Variants in ABR observed in about 807,000 individuals in gnomAD.
ABR encodes active breakpoint cluster region-related protein.
ABR carries 35 observed loss-of-function variants against 107.2 expected under a neutral mutation model. The ratio of observed to expected loss-of-function variants is 0.33; its 90% CI spans 0.25 to 0.43. The LOEUF is 0.43. ABR is among the 20% of genes least tolerant of loss of function. ABR has a pLI of 1.00. For missense variants in ABR, 815 were observed against 1,115.2 expected (o/e 0.73, Z 3.83); for synonymous variants, 498 against 462.0 (o/e 1.08, Z -1.00).
At chr17:1,110,060 C>T (rs188206748) in intron 2 of ABR, among the ~76,000 whole-genome samples, 12 of 150,746 alleles carry the variant, frequency 8.0e-5, no homozygotes, top group East Asian at 2.0e-4. Flanking sequence ...TCCAAGCAGC[C>T]CCCCCAGCCA....
intron 16 of ABR, among the ~76,000 whole-genome samples, chr17:1,020,446 C>G (rs1346030701): frequency 6.6e-6 from 1 of 152,196 alleles, no homozygotes; most frequent in African/African-American, 2.4e-5. Flanking sequence ...TCAGGCCTCT[C>G]CCAAAGAGAA....
At chr17:1,107,920 A>C (rs2038367333) in intron 2 of ABR, among the ~76,000 whole-genome samples, 2 of 152,192 alleles carry the variant, frequency 1.3e-5, no homozygotes, top group Non-Finnish European at 2.9e-5. Flanking sequence ...TCCTCCTCAG[A>C]GCCACACTGT....
At chr17:1,201,950 T>A (rs1453554820) in intron 1 of ABR, among the ~76,000 whole-genome samples, 1 of 152,172 alleles carries the variant, frequency 6.6e-6, no homozygotes, top group Non-Finnish European at 1.5e-5. Flanking sequence ...GTGCTGGGAT[T>A]ACAGGCGTGA....
chr17:1,098,937 C>T (rs2037680598), intron 3 of ABR, among the ~76,000 whole-genome samples: 1 of 152,166 alleles, frequency 6.6e-6, no homozygotes, highest in Admixed American at 6.5e-5. Context: ...AGGGGCCCGC[C>T]ACCACGCCCA....
At chr17:1,109,762 G>C (rs955251659) in intron 2 of ABR, among the ~76,000 whole-genome samples, 1 of 152,124 alleles carries the variant, frequency 6.6e-6, no homozygotes, top group Non-Finnish European at 1.5e-5. Context: ...AGACAGGCCT[G>C]ACCTGCCCCC....
chr17:1,018,547 C>T (rs1243752694), intron 16 of ABR, among the ~76,000 whole-genome samples: 4 of 152,194 alleles, frequency 2.6e-5, no homozygotes, highest in African/African-American at 9.7e-5. Flanking sequence ...GCAGCTTCTG[C>T]AGGAAGCTGA....
At position 1,078,908 on chromosome 17, in the gene ABR, C is replaced by T. The variant is rs1178071138; in HGVS notation, c.700+422G>A. The stretch of plus-strand genomic sequence containing the variant: ...GAGCGTGCAGCCATCGCTCCAGGCT[C>T]CCCGGCGCCCACCAGCAGCCCGGCC... On this transcript the variant is annotated intron_variant, in intron 6 of 22. Coordinates refer to ENST00000302538, the MANE Select transcript of ABR (RefSeq NM_021962.5). The surrounding 1 kb of genome is among the most constrained non-coding windows in gnomAD (Gnocchi z 7.5). The T allele has an allele frequency of 5.2e-6, 8 of 1,533,414 alleles. 1 individual carries two copies. The highest frequency in any genetic ancestry group is 2.4e-5 in the South Asian group (2 of 83,914). The allele number at this position is 1,533,414 out of a possible 1,614,324, so 95.0% of individuals were successfully genotyped here. A position where few individuals can be genotyped will look rare whatever the true frequency, so the allele number is the denominator to read the frequency against.
intron 2 of ABR, among the ~76,000 whole-genome samples, chr17:1,113,278 A>ATT (rs33922708): frequency 0.025 from 2,590 of 104,056 alleles, 360 homozygotes; most frequent in East Asian, 0.11. Context: ...ACCTATTGCG[A>ATT]TTTTTTTTTT....
Position 1,058,799 on chromosome 17 carries a change from C to T in ABR, c.1251G>A (p.Leu417=), listed in dbSNP as rs777048412. 1 of 1,614,092 alleles carries T rather than the reference C, an allele frequency of 6.2e-7. No homozygotes were observed. The highest frequency in any genetic ancestry group is 1.1e-5 in the South Asian group (1 of 91,070). The change falls in exon 11 of 23, where the codon CTG becomes CTA. Residue 417 remains leucine (L), a synonymous_variant. Transcript: ENST00000302538. Reference sequence around the variant, plus strand: ...GGATTGTGGGGGAGTTGAGCAGCAGCAGGAACTCATTCTCAAACATCTTCT... The same window carrying T: ...GGATTGTGGGGGAGTTGAGCAGCAGTAGGAACTCATTCTCAAACATCTTCT... The part of the protein sequence containing the change: ...LKKKMFENEF[L]LLLNSPTIPF...
At chr17:1,164,659 T>G (rs560088222) in intron 1 of ABR, among the ~76,000 whole-genome samples, 1 of 152,324 alleles carries the variant, frequency 6.6e-6, no homozygotes, top group South Asian at 2.1e-4. Flanking sequence ...AAGTTTTGTA[T>G]GGGATATACT....
intron 16 of ABR, among the ~76,000 whole-genome samples, chr17:1,023,105 G>A (rs1009659331): frequency 4.0e-5 from 6 of 149,546 alleles, no homozygotes; most frequent in Non-Finnish European, 8.8e-5. Flanking sequence ...GCCTCTGCCG[G>A]CCCCACGTCC....
At chr17:1,012,279 G>A (rs558116290) in intron 18 of ABR, 13 of 645,878 alleles carry the variant, frequency 2.0e-5, no homozygotes, top group Non-Finnish European at 3.4e-5. Flanking sequence ...CTTGTAGGAG[G>A]CCCAGCAGGC....
intron 2 of ABR, among the ~76,000 whole-genome samples, chr17:1,106,033 G>A (rs1344630953): frequency 6.6e-6 from 1 of 152,180 alleles, no homozygotes; most frequent in Non-Finnish European, 1.5e-5. Flanking sequence ...TTTGGCAAGT[G>A]TAAGCCATTT....
rs1421902604 is a variant in ABR, at chr17:1,010,171, C to T, written c.2237-387G>A. On this transcript the variant is annotated intron_variant, in intron 20 of 22. Coordinates refer to ENST00000302538, the MANE Select transcript of ABR (RefSeq NM_021962.5). The surrounding 1 kb of genome is among the most constrained non-coding windows in gnomAD (Gnocchi z 4.1). Reference sequence around the variant, plus strand: ...TTCTCCACCCCTTCTGCTGCTGGAGCGTGGGTGCAAGCAGCCTTCCGTGGG... The same window carrying T: ...TTCTCCACCCCTTCTGCTGCTGGAGTGTGGGTGCAAGCAGCCTTCCGTGGG... The T allele has an allele frequency of 3.8e-6, 1 of 260,194 alleles. No individual in the cohort carries two copies. Among genetic ancestry groups the T allele is most frequent in the Non-Finnish European group, 7.5e-6 (1 of 132,986 alleles). The allele number at this position is 260,194 out of a possible 1,614,324, so 16.1% of individuals were successfully genotyped here. A position where few individuals can be genotyped will look rare whatever the true frequency, so the allele number is the denominator to read the frequency against.
chr17:1,151,324 T>C (rs1471493764), intron 1 of ABR, among the ~76,000 whole-genome samples: 1 of 152,176 alleles, frequency 6.6e-6, no homozygotes, highest in Non-Finnish European at 1.5e-5. Context: ...ACCAGTTCCC[T>C]AAAGCCCTGT....
chr17:1,197,372 C>T (rs573182372), intron 1 of ABR, among the ~76,000 whole-genome samples: 1 of 151,582 alleles, frequency 6.6e-6, no homozygotes, highest in African/African-American at 2.4e-5. Flanking sequence ...GCAGGGTCAG[C>T]CCCATGCCCC....
rs1393797380 is a variant in ABR, at chr17:1,092,832, G to A, written c.346-982C>T. ...TGGCCAGAGGGAGAGCAGCCACGTCGAATTCTTTTTTTTTTGGAGACGGAG... is the reference window on the plus strand; with the variant it reads ...TGGCCAGAGGGAGAGCAGCCACGTCAAATTCTTTTTTTTTTGGAGACGGAG... On this transcript the variant is annotated intron_variant, in intron 3 of 22. Transcript: ENST00000302538. The surrounding 1 kb of genome is among the most constrained non-coding windows in gnomAD (Gnocchi z 4.6). Among the ~76,000 whole-genome samples, 5 of 151,974 alleles carry A rather than the reference G, an allele frequency of 3.3e-5. No individual in the cohort carries two copies. The highest frequency in any genetic ancestry group is 1.9e-4 in the East Asian group (1 of 5,136).
At chr17:1,079,101 A>G (rs1597713485) in intron 6 of ABR, 1 of 1,436,256 alleles carries the variant, frequency 7.0e-7, no homozygotes, top group Non-Finnish European at 9.1e-7. Context: ...CTGGCATCCT[A>G]AAGAGGAGCA....
At chr17:1,123,939 A>G (rs1941601759) in intron 2 of ABR, among the ~76,000 whole-genome samples, 2 of 151,978 alleles carry the variant, frequency 1.3e-5, no homozygotes. Context: ...GGTCAACAAC[A>G]CACTGACCAA....
Sources: allele counts gnomAD v4.1 joint callset (sites outside exome capture counted in the v4.1 genomes callset), GRCh38; gene constraint gnomAD v4.1.1; non-coding constraint Gnocchi (gnomAD v3.1); transcripts MANE v1.5; gene names NCBI Gene and HGNC (gene_info 2026-07-23, HGNC 2026-07-21).